The following TENM3 variants were observed in gnomAD, a reference collection of about 807,000 sequenced individuals.
TENM3 encodes teneurin-3.
TENM3 carries 63 observed loss-of-function variants against 255.1 expected under a neutral mutation model. The observed-to-expected ratio is 0.25, with a 90% CI of 0.20 to 0.30. The LOEUF is 0.30. Ranked by LOEUF, TENM3 falls within the 10% of genes least tolerant of loss-of-function variation. TENM3 has a pLI of 1.00. For missense variants in TENM3, 2,929 were observed against 3,461.1 expected, an observed-to-expected ratio of 0.85 and a Z score of 3.86; for synonymous variants, 1,306 against 1,322.3, an observed-to-expected ratio of 0.99 and a Z score of 0.27.
chr4:181,629,664 C>A, the TENM3 span, among the ~76,000 whole-genome samples: 1 of 152,108 alleles, frequency 6.6e-6, no homozygotes, highest in Admixed American at 6.6e-5. Context: ...GTTGAACCAG[C>A]CTTGCATCCC....
At chr4:182,624,308 A>T (rs779339652) in intron 4 of TENM3, among the ~76,000 whole-genome samples, 1 of 152,160 alleles carries the variant, frequency 6.6e-6, no homozygotes, top group East Asian at 1.9e-4. Flanking sequence ...GAGGGTTTTC[A>T]TGGGACCAAA....
At chr4:181,841,847 T>A in the TENM3 span, among the ~76,000 whole-genome samples, 5 of 152,120 alleles carry the variant, frequency 3.3e-5, no homozygotes, top group Non-Finnish European at 5.9e-5. Flanking sequence ...ATCCAAACAC[T>A]GACATTTACA....
chr4:182,131,542 G>T, the TENM3 span, among the ~76,000 whole-genome samples: 1 of 152,134 alleles, frequency 6.6e-6, no homozygotes, highest in Non-Finnish European at 1.5e-5. Flanking sequence ...AAGATACTGG[G>T]TTTACCTTCT....
chr4:182,249,657 G>A (rs1757866585), intron 1 of TENM3, among the ~76,000 whole-genome samples: 1 of 152,194 alleles, frequency 6.6e-6, no homozygotes, highest in Non-Finnish European at 1.5e-5. Context: ...TGGTGGTGGT[G>A]GGGGTTGGGG....
chr4:181,566,065 GT>G, the TENM3 span, among the ~76,000 whole-genome samples: 10 of 150,604 alleles, frequency 6.6e-5, no homozygotes, highest in African/African-American at 2.4e-4. Flanking sequence ...CAAAAACCTA[GT>G]TTCCCCCAAA....
rs970000802 is a variant in TENM3, at chr4:182,457,799, G to A, written c.511+110870G>A. On this transcript the variant is annotated intron_variant, in intron 3 of 27. Transcript: ENST00000511685. The stretch of plus-strand genomic sequence containing the variant: ...CTAGTTTCCTAGCTCCTTGGCTCAC[G>A]CAGTCCTCCTGCCTCGGCCTCCTAA... 9.2e-5 allele frequency among the ~76,000 whole-genome samples: 14 copies of A among 152,154 alleles called. 1 individual carries two copies. Among genetic ancestry groups the A allele is most frequent in the South Asian group, 4.1e-4 (2 of 4,826 alleles).
chr4:182,558,343 G>A (rs1170192313), intron 3 of TENM3, among the ~76,000 whole-genome samples: 1 of 152,150 alleles, frequency 6.6e-6, no homozygotes, highest in Non-Finnish European at 1.5e-5. Context: ...GGGTGTTGAA[G>A]CTAAGAATTT....
At chr4:182,645,710 T>C (rs1342681414) in intron 5 of TENM3, among the ~76,000 whole-genome samples, 3 of 152,160 alleles carry the variant, frequency 2.0e-5, no homozygotes, top group Non-Finnish European at 4.4e-5. Context: ...CACATGGGCC[T>C]CTTTATGAGG....
At chr4:182,431,505 G>T (rs1771643138) in intron 3 of TENM3, among the ~76,000 whole-genome samples, 1 of 152,106 alleles carries the variant, frequency 6.6e-6, no homozygotes, top group African/African-American at 2.4e-5. Flanking sequence ...ACAAAGAAAA[G>T]AAAAGAAAAG....
intron 3 of TENM3, among the ~76,000 whole-genome samples, chr4:182,351,281 G>A (rs577898979): frequency 6.6e-6 from 1 of 152,284 alleles, no homozygotes; most frequent in East Asian, 1.9e-4. Context: ...GGGAAAACAT[G>A]TAATAAAGTT....
At chr4:181,937,603 G>A in the TENM3 span, among the ~76,000 whole-genome samples, 1 of 152,304 alleles carries the variant, frequency 6.6e-6, no homozygotes, top group Admixed American at 6.5e-5. Context: ...CTGCACGAAG[G>A]CCTTTTGCTA....
chr4:182,134,079 T>C, the TENM3 span, among the ~76,000 whole-genome samples: 82,548 of 151,964 alleles, frequency 0.54, 23,053 homozygotes, highest in East Asian at 0.65. Flanking sequence ...TGGTCCAGGG[T>C]TACCATAGAT....
the TENM3 span, among the ~76,000 whole-genome samples, chr4:181,484,448 G>A: frequency 1.3e-5 from 2 of 152,036 alleles, no homozygotes. Context: ...TATCTAAAGT[G>A]AAATTCATTC....
At chr4:181,856,146 AGGAAGGAAAG>A in the TENM3 span, among the ~76,000 whole-genome samples, 530 of 136,622 alleles carry the variant, frequency 3.9e-3, 6 homozygotes, top group African/African-American at 0.01. Flanking sequence ...GAAGGAAGGA[AGGAAGGAAAG>A]GGAAGGAAAG....
chr4:182,656,249 C>T (rs1278983831), intron 6 of TENM3, among the ~76,000 whole-genome samples: 2 of 152,128 alleles, frequency 1.3e-5, no homozygotes, highest in East Asian at 3.9e-4. Context: ...TAGGAATTTC[C>T]CTGCATGGAA....
chr4:181,587,357 G>C, the TENM3 span, among the ~76,000 whole-genome samples: 11 of 152,148 alleles, frequency 7.2e-5, 1 homozygote, highest in Admixed American at 5.9e-4. Flanking sequence ...CTCTGTACCT[G>C]CTGAAGCCAC....
chr4:182,518,074 G>A (rs958594449), intron 3 of TENM3, among the ~76,000 whole-genome samples: 2 of 151,892 alleles, frequency 1.3e-5, no homozygotes, highest in Admixed American at 6.6e-5. Flanking sequence ...TTTTGTTTCT[G>A]AAGCCTTGGA....
chr4:181,528,622 G>A, the TENM3 span, among the ~76,000 whole-genome samples: 1 of 152,200 alleles, frequency 6.6e-6, no homozygotes, highest in South Asian at 2.1e-4. Context: ...TACGAGGTAG[G>A]TTGAATTATT....
intron 13 of TENM3, among the ~76,000 whole-genome samples, chr4:182,725,661 A>ATTTT: frequency 8.1e-6 from 1 of 123,610 alleles, no homozygotes; most frequent in Admixed American, 9.8e-5. Context: ...TTTGAGACGG[A>ATTTT]GTCTTGCTCT....
Sources: allele counts gnomAD v4.1 joint callset (sites outside exome capture counted in the v4.1 genomes callset), GRCh38; gene constraint gnomAD v4.1.1; transcripts MANE v1.5; gene names NCBI Gene and HGNC (gene_info 2026-07-23, HGNC 2026-07-21).